PPFIBP1: variants seen among roughly 807,000 people sequenced by gnomAD.
The protein encoded by PPFIBP1 is liprin-beta-1.
A neutral mutation model predicts 137.8 loss-of-function variants in PPFIBP1; 112 were observed. The observed-to-expected ratio is 0.81, with a 90% confidence interval of 0.70 to 0.95. The LOEUF (loss-of-function observed/expected upper bound fraction) is 0.95, where lower values mean the gene tolerates loss of function less well. Ranked by LOEUF, PPFIBP1 falls within the 40% of genes least tolerant of loss-of-function variation. The pLI, the probability that PPFIBP1 is intolerant of heterozygous loss-of-function variation, is 0.00. For synonymous variants in PPFIBP1, 378 were observed against 417.3 expected, an observed-to-expected ratio of 0.91 and a Z score of 1.15; for missense variants, 1,083 against 1,196.6, an observed-to-expected ratio of 0.91 and a Z score of 1.40.
chr12:27,548,242 G>A (rs892651860), intron 1 of PPFIBP1: 2 of 152,126 alleles, frequency 1.3e-5, no homozygotes, highest in Non-Finnish European at 2.9e-5. Flanking sequence ...CATCCTATGT[G>A]TATATAAATG....
intron 2 of PPFIBP1, among the ~76,000 whole-genome samples, chr12:27,618,758 C>T (rs1222319291): frequency 3.9e-5 from 6 of 152,222 alleles, no homozygotes; most frequent in African/African-American, 1.4e-4. Context: ...GGCTGTGTCA[C>T]AGGCTGTTGG....
chr12:27,610,940 G>T (rs185828754), intron 2 of PPFIBP1, among the ~76,000 whole-genome samples: 488 of 150,904 alleles, frequency 3.2e-3, no homozygotes, highest in Non-Finnish European at 5.0e-3. Flanking sequence ...GTGAGGTGGG[G>T]AAAATAGGAA....
chr12:27,561,504 A>G (rs186248021), intron 1 of PPFIBP1, among the ~76,000 whole-genome samples: 15 of 152,256 alleles, frequency 9.9e-5, no homozygotes, highest in African/African-American at 2.9e-4. Context: ...TTGATCTTCT[A>G]TTTTGTATCG....
At chr12:27,676,878 G>T (rs541825598) in intron 18 of PPFIBP1, 186 bp from the exon 19 acceptor site, 1 of 803,070 alleles carries the variant, frequency 1.2e-6, no homozygotes, top group Non-Finnish European at 2.1e-6. Flanking sequence ...CCCATCTGTT[G>T]TGATAGTGGA....
intron 6 of PPFIBP1, among the ~76,000 whole-genome samples, chr12:27,648,981 G>A (rs2058713029): frequency 1.3e-5 from 2 of 152,108 alleles, no homozygotes; most frequent in South Asian, 4.1e-4. Flanking sequence ...TTATACATTT[G>A]GAAATAAGAA....
intron 5 of PPFIBP1, chr12:27,646,434 G>A (rs1449363957): frequency 2.7e-5 from 11 of 404,144 alleles, no homozygotes; most frequent in East Asian, 6.1e-5. Flanking sequence ...TTTGGAGGCG[G>A]GGTCTTGTTA....
chr12:27,602,085 GCT>G (rs1038207339), intron 2 of PPFIBP1, among the ~76,000 whole-genome samples: 20 of 152,320 alleles, frequency 1.3e-4, no homozygotes, highest in African/African-American at 4.6e-4. Flanking sequence ...CAGTCCCTGT[GCT>G]CTGTCCTTTG....
At chr12:27,629,453 C>T (rs1565899310) in intron 2 of PPFIBP1, among the ~76,000 whole-genome samples, 2 of 152,132 alleles carry the variant, frequency 1.3e-5, no homozygotes, top group Non-Finnish European at 2.9e-5. Flanking sequence ...TACCTTCTAT[C>T]GTAGGTTACC....
intron 13 of PPFIBP1, 139 bp downstream of exon 13, chr12:27,667,459 T>A (rs2059924773): frequency 2.7e-6 from 2 of 745,100 alleles, no homozygotes; most frequent in Admixed American, 3.7e-5. Context: ...ATAAATAAAT[T>A]GACTTTGGCC....
chr12:27,649,885 C>A, intron 6 of PPFIBP1, 125 bp from the exon 7 acceptor site: 2 of 872,880 alleles, frequency 2.3e-6, no homozygotes, highest in Non-Finnish European at 3.4e-6. Context: ...TGTGTAGATT[C>A]AGTAATTATA....
intron 21 of PPFIBP1, 115 bp downstream of exon 21, chr12:27,680,176 CT>C: frequency 1.5e-6 from 2 of 1,364,524 alleles, no homozygotes; most frequent in Non-Finnish European, 9.9e-7. Context: ...AATGCTGTGC[CT>C]AATGAAAGGG....
chr12:27,628,438 C>T (rs536492693), intron 2 of PPFIBP1, among the ~76,000 whole-genome samples: 22 of 152,254 alleles, frequency 1.4e-4, no homozygotes, highest in African/African-American at 5.3e-4. Context: ...CTTGGCCTCC[C>T]AAAGTAGTGG....
chr12:27,674,963 C>G (rs1411193563), intron 17 of PPFIBP1, among the ~76,000 whole-genome samples: 2 of 149,962 alleles, frequency 1.3e-5, no homozygotes, highest in African/African-American at 4.9e-5. Context: ...CAGGCGTGCA[C>G]CACCATACTC....
chr12:27,635,549 G>A (rs530333101), intron 4 of PPFIBP1: 7 of 206,438 alleles, frequency 3.4e-5, no homozygotes, highest in South Asian at 2.1e-4. Flanking sequence ...GTATTTGACC[G>A]GAAGTGCCAT....
intron 4 of PPFIBP1, among the ~76,000 whole-genome samples, chr12:27,644,340 C>A (rs3829316): frequency 2.7e-5 from 4 of 150,574 alleles, no homozygotes; most frequent in African/African-American, 4.9e-5. Context: ...CTCAGCCTCC[C>A]GAAGTGCTGG....
intron 1 of PPFIBP1, among the ~76,000 whole-genome samples, chr12:27,534,377 G>A (rs923567669): frequency 3.3e-5 from 5 of 152,188 alleles, no homozygotes; most frequent in Non-Finnish European, 7.3e-5. Context: ...GTAAGAAGCA[G>A]TGAAAGGAAA....
At chr12:27,635,171 T>C in intron 4 of PPFIBP1, 56 bp downstream of exon 4, 1 of 1,560,068 alleles carries the variant, frequency 6.4e-7, no homozygotes, top group East Asian at 2.2e-5. Context: ...TATTCCAAAA[T>C]TTAGAACATA....
chr12:27,682,341 C>T lies in PPFIBP1; in HGVS notation c.2047-46C>T, dbSNP rs1307820597. On this transcript the variant is annotated intron_variant, in intron 22 of 29. Transcript: ENST00000228425. ...AATTTGCATCCTTTGCCAGTGGCAC[C>T]CAGCCTATACAGATAGAATTATAAA... 5.8e-6 allele frequency: 8 copies of T among 1,371,284 alleles called. No homozygotes were observed. The Admixed American group carries it at 1.5e-4, about 25-fold the overall frequency. The allele number at this position is 1,371,284 out of a possible 1,614,324, so 84.9% of individuals were successfully genotyped here.
In PPFIBP1 at chr12:27,664,132, TA is replaced by T. The variant is rs1269905331; in HGVS notation, c.907-228del. 1.2e-4 allele frequency among the ~76,000 whole-genome samples: 19 copies of T among 152,346 alleles called. No individual in the cohort carries two copies. In the South Asian group the frequency reaches 3.5e-3, roughly 28 times the overall value. On this transcript the variant is annotated intron_variant, in intron 11 of 29. Coordinates refer to ENST00000228425, the MANE Select transcript of PPFIBP1 (RefSeq NM_003622.4). Reference sequence around the variant, plus strand: ...TTTAGAGGTACTTTGCCCATATGTTTAATGTATGTAGGAAACATAGTCTAGT... The same window carrying T: ...TTTAGAGGTACTTTGCCCATATGTTTATGTATGTAGGAAACATAGTCTAGT...
Sources: allele counts gnomAD v4.1 joint callset (sites outside exome capture counted in the v4.1 genomes callset), GRCh38; gene constraint gnomAD v4.1.1; transcripts MANE v1.5; gene names NCBI Gene and HGNC (gene_info 2026-07-23, HGNC 2026-07-21).